ABTB2: variants seen among roughly 807,000 people sequenced by gnomAD.
ABTB2 encodes ankyrin repeat and BTB domain containing 2.
A neutral mutation model predicts 104.1 loss-of-function variants in ABTB2; 56 were observed. The observed-to-expected ratio is 0.54, with a 90% CI of 0.43 to 0.67. The LOEUF is 0.67. ABTB2 is among the 30% of genes least tolerant of loss of function. The probability of loss-of-function intolerance (pLI) is 0.00; values close to 1 mark genes in which losing one functional copy is unlikely to be tolerated. For synonymous variants in ABTB2, 606 were observed against 608.2 expected (o/e 1.00, Z 0.05); for missense variants, 1,279 against 1,407.7 (o/e 0.91, Z 1.46).
chr11:34,161,585 C>G (rs955154186), intron 10 of ABTB2, among the ~76,000 whole-genome samples: 1 of 152,156 alleles, frequency 6.6e-6, no homozygotes, highest in Non-Finnish European at 1.5e-5. Flanking sequence ...GAAACGAACC[C>G]GGTCCTATCA....
intron 1 of ABTB2, among the ~76,000 whole-genome samples, chr11:34,294,314 G>A (rs992170350): frequency 2.6e-5 from 4 of 152,196 alleles, no homozygotes; most frequent in African/African-American, 7.2e-5. Context: ...TTGGGCAACA[G>A]AGCGAGACGC....
chr11:34,202,931 G>A (rs1853362359), intron 2 of ABTB2, among the ~76,000 whole-genome samples: 1 of 152,222 alleles, frequency 6.6e-6, no homozygotes, highest in Non-Finnish European at 1.5e-5. Context: ...CAGGATTGTT[G>A]TAAGTGGTAG....
rs1554982292 is a variant in ABTB2 at position 34,195,075 on chromosome 11, C to CGGGGGGTG, written c.1244+2249_1244+2250insCACCCCCC. Among the ~76,000 whole-genome samples, 2 of 18,066 alleles carry CGGGGGGTG rather than the reference C, an allele frequency of 1.1e-4. 1 individual carries two copies. The highest frequency in any genetic ancestry group is 4.0e-4 in the Non-Finnish European group (2 of 4,982). 11.9% of individuals were successfully genotyped at this position (18,066 alleles called of 152,430 possible). On this transcript the variant is annotated intron_variant, in intron 3 of 16. Coordinates refer to ENST00000435224, the MANE Select transcript of ABTB2 (RefSeq NM_145804.3). The stretch of plus-strand genomic sequence containing the variant: ...CACAGGACATGACAAAGATGCCCGG[C>CGGGGGGTG]GGGGGGGGGGAGTGGGGGCGGGAGA...
chr11:34,330,294 C>T (rs1375606432), intron 1 of ABTB2, among the ~76,000 whole-genome samples: 1 of 151,800 alleles, frequency 6.6e-6, no homozygotes, highest in Non-Finnish European at 1.5e-5. Flanking sequence ...AATCCCTAGT[C>T]TACCCTAGAT....
At position 34,248,114 on chromosome 11, in the gene ABTB2, A is replaced by ATTTTTTTTTTTTTTTTTTTTTT. The variant is rs1363625721; in HGVS notation, c.884-43425_884-43424insAAAAAAAAAAAAAAAAAAAAAA. Among the ~76,000 whole-genome samples, 772 of 126,320 alleles carry ATTTTTTTTTTTTTTTTTTTTTT rather than the reference A, an allele frequency of 6.1e-3. 40 individuals carry two copies. The highest frequency in any genetic ancestry group is 9.2e-3 in the South Asian group (35 of 3,802). 82.9% of individuals were successfully genotyped at this position (126,320 alleles called of 152,430 possible). A position where few individuals can be genotyped will look rare whatever the true frequency, so the allele number is the denominator to read the frequency against. On this transcript the variant is annotated intron_variant, in intron 1 of 16. Transcript: ENST00000435224. ...TTTTTCTTAAAAAAAAAAAAAAAAA[A>ATTTTTTTTTTTTTTTTTTTTTT]AAAAAAAACAGGGTCTTGCCCTGTC... is the stretch of plus-strand genomic sequence containing the variant.
At chr11:34,195,507 T>C (rs1395894706) in intron 3 of ABTB2, among the ~76,000 whole-genome samples, 2 of 152,152 alleles carry the variant, frequency 1.3e-5, no homozygotes, top group African/African-American at 2.4e-5. Context: ...AGTAAAACAA[T>C]GATGACATAA....
intron 1 of ABTB2, among the ~76,000 whole-genome samples, chr11:34,315,954 C>T (rs1854923959): frequency 6.6e-6 from 1 of 152,206 alleles, no homozygotes; most frequent in African/African-American, 2.4e-5. Context: ...AATTTCTAAC[C>T]AGTCATCGTC....
At chr11:34,288,262 T>C (rs968720870) in intron 1 of ABTB2, among the ~76,000 whole-genome samples, 1 of 152,226 alleles carries the variant, frequency 6.6e-6, no homozygotes, top group African/African-American at 2.4e-5. Flanking sequence ...CAGCCTATCA[T>C]TTACATTTTG....
At chr11:34,153,208 G>A (rs1852572813) in intron 16 of ABTB2, among the ~76,000 whole-genome samples, 1 of 152,162 alleles carries the variant, frequency 6.6e-6, no homozygotes, top group African/African-American at 2.4e-5. Context: ...AAAGTCCTGG[G>A]GTCTGGGCAC....
At chr11:34,202,532 A>T (rs1853356440) in intron 2 of ABTB2, among the ~76,000 whole-genome samples, 1 of 152,188 alleles carries the variant, frequency 6.6e-6, no homozygotes, top group African/African-American at 2.4e-5. Flanking sequence ...GACACAACCC[A>T]ATTTAAGCTT....
Position 34,167,313 on chromosome 11 carries a change from C to G in ABTB2, c.1701G>C (p.Arg567=), listed in dbSNP as rs775760873. 1.2e-6 allele frequency: 2 copies of G among 1,613,362 alleles called. No individual in the cohort carries two copies. The highest frequency in any genetic ancestry group is 4.5e-5 in the East Asian group (2 of 44,860). The change falls in exon 7 of 17, where the codon CGG becomes CGC. Residue 567 remains arginine, a synonymous_variant. Coordinates refer to ENST00000435224, the MANE Select transcript of ABTB2 (RefSeq NM_145804.3). ...PRHPSIHPDS[R]HWTSLTFAVL... is the part of the protein sequence containing the mutation. ...CAGCGAATGTCAGTGAGGTCCAGTG[C>G]CGGCTGTCGGGGTGGATGGAAGGGT... is the stretch of plus-strand genomic sequence containing the variant.
rs760340336 is a variant in ABTB2, at chr11:34,159,344, G to A, written c.2649C>T (p.Asp883=). ...CGCTGATCTCGATGGTCTTGCTGCT[G>A]TCCCCATCCTGTTCTGATTTATTGG... ...LMTNKSEQDG[D]SSKTIEISDM... is the part of the protein sequence containing the mutation. Residue 883 remains aspartate (D), a synonymous_variant, in exon 14 of 17, where the codon GAC becomes GAT. Coordinates refer to ENST00000435224, the MANE Select transcript of ABTB2 (RefSeq NM_145804.3). The A allele has an allele frequency of 1.9e-6, 3 of 1,613,966 alleles. No homozygotes were observed. In the East Asian group the frequency reaches 6.7e-5, roughly 36 times the overall value.
chr11:34,156,254 A>G (rs1003741682), intron 14 of ABTB2, among the ~76,000 whole-genome samples: 1 of 152,194 alleles, frequency 6.6e-6, no homozygotes, highest in Non-Finnish European at 1.5e-5. Flanking sequence ...GCTCACCTGG[A>G]GCCTTGCTAT....
chr11:34,356,663 G>T lies in ABTB2; in HGVS notation c.883+38C>A. 6.6e-7 allele frequency: 1 copy of T among 1,516,436 alleles called. No individual in the cohort carries two copies. Among genetic ancestry groups the T allele is most frequent in the Non-Finnish European group, 8.9e-7 (1 of 1,124,032 alleles). The allele number at this position is 1,516,436 out of a possible 1,614,324, so 93.9% of individuals were successfully genotyped here. On this transcript the variant is annotated intron_variant, in intron 1 of 16. Transcript: ENST00000435224. The surrounding 1 kb of genome is among the most constrained non-coding windows in gnomAD (Gnocchi z 4.6). ...CCAGTAGCCCAGGGCGGGATTTCTT[G>T]CCTACCCAGTCTGCCAGTCCGAGGC... is the stretch of plus-strand genomic sequence containing the variant.
At chr11:34,341,736 G>A (rs1454994363) in intron 1 of ABTB2, among the ~76,000 whole-genome samples, 1 of 152,170 alleles carries the variant, frequency 6.6e-6, no homozygotes, top group Admixed American at 6.5e-5. Flanking sequence ...CCACAAGATG[G>A]AAGTTCTACA....
chr11:34,308,868 C>CAAAAAAAAAAAAA (rs57658114), intron 1 of ABTB2, among the ~76,000 whole-genome samples: 20 of 77,768 alleles, frequency 2.6e-4, no homozygotes, highest in South Asian at 1.1e-3. Flanking sequence ...GAAACTGTCT[C>CAAAAAAAAAAAAA]AAAAAAAAAA....
intron 1 of ABTB2, among the ~76,000 whole-genome samples, chr11:34,275,878 G>A (rs1224194803): frequency 6.6e-6 from 1 of 152,194 alleles, no homozygotes; most frequent in African/African-American, 2.4e-5. Context: ...ACACAGTCCT[G>A]TGATCCCACA....
chr11:34,154,518 T>C lies in ABTB2; in HGVS notation c.2767-140A>G. On this transcript the variant is annotated intron_variant, in intron 15 of 16. Coordinates refer to ENST00000435224, the MANE Select transcript of ABTB2 (RefSeq NM_145804.3). The surrounding 1 kb of genome is among the most constrained non-coding windows in gnomAD (Gnocchi z 4.9). The stretch of plus-strand genomic sequence containing the variant: ...CACTACCTTCTGATACTCCTGGGCC[T>C]AACCATCCCCGCTGGGACACGCACT... 1.2e-6 allele frequency: 1 copy of C among 853,438 alleles called. No individual in the cohort carries two copies. Among genetic ancestry groups the C allele is most frequent in the Non-Finnish European group, 1.9e-6 (1 of 537,240 alleles). The allele number at this position is 853,438 out of a possible 1,614,324, so 52.9% of individuals were successfully genotyped here. A position where few individuals can be genotyped will look rare whatever the true frequency, so the allele number is the denominator to read the frequency against.
rs373317189 is a variant in ABTB2 at position 34,311,203 on chromosome 11, C to T, written c.883+45498G>A. ...ATGCACACCCTGGCTTGTCAGGCCC[C>T]GGAAGGGCTGTCTGACCTCCTAAGA... On this transcript the variant is annotated intron_variant, in intron 1 of 16. Coordinates refer to ENST00000435224, the MANE Select transcript of ABTB2 (RefSeq NM_145804.3). 3.0e-4 allele frequency among the ~76,000 whole-genome samples: 46 copies of T among 152,294 alleles called. 1 individual carries two copies. In the East Asian group the frequency reaches 7.1e-3, roughly 24 times the overall value.
Sources: gnomAD v4.1 joint callset for allele counts (sites outside exome capture counted in the v4.1 genomes callset) on GRCh38, gnomAD v4.1.1 for gene constraint, Gnocchi (gnomAD v3.1) non-coding constraint, MANE v1.5 for transcripts, NCBI Gene and HGNC (gene_info 2026-07-23, HGNC 2026-07-21) for gene names.